The following STK10 variants were observed in gnomAD, a reference collection of about 807,000 sequenced individuals.
STK10 encodes serine/threonine kinase 10.
In STK10, 78 loss-of-function variants were observed where a neutral mutation model predicts 113.8. That is an observed-to-expected ratio of 0.69 (90% CI 0.57 to 0.83). The LOEUF is 0.83. STK10 is among the 40% of genes least tolerant of loss of function. The pLI, the probability that STK10 is intolerant of heterozygous loss-of-function variation, is 0.00. For synonymous variants in STK10, 465 were observed against 494.7 expected (o/e 0.94, Z 0.80); for missense variants, 1,109 against 1,280.1 (o/e 0.87, Z 2.04).
At chr5:172,163,101 G>A (rs1770502116) in intron 1 of STK10, among the ~76,000 whole-genome samples, 1 of 152,206 alleles carries the variant, frequency 6.6e-6, no homozygotes. Context: ...ATCACCTTGA[G>A]GCCACAGGAG....
intron 3 of STK10, among the ~76,000 whole-genome samples, chr5:172,125,389 ATT>A (rs112899539): frequency 1.0e-4 from 15 of 143,562 alleles, no homozygotes; most frequent in African/African-American, 1.5e-4. Flanking sequence ...ACTTTTTTTC[ATT>A]TTTTTTTTTT....
At chr5:172,139,077 G>A (rs548233985) in intron 2 of STK10, among the ~76,000 whole-genome samples, 27 of 152,262 alleles carry the variant, frequency 1.8e-4, no homozygotes, top group Admixed American at 5.2e-4. Flanking sequence ...CCAGCTTTAT[G>A]GACCGGAAGA....
intron 3 of STK10, among the ~76,000 whole-genome samples, chr5:172,121,565 G>A (rs113015252): frequency 6.6e-6 from 1 of 151,726 alleles, no homozygotes; most frequent in South Asian, 2.1e-4. Context: ...CCAGCACTTC[G>A]GGAGGTGGAG....
At chr5:172,181,388 T>G (rs1003265024) in intron 1 of STK10, among the ~76,000 whole-genome samples, 21 of 152,220 alleles carry the variant, frequency 1.4e-4, no homozygotes, top group African/African-American at 5.1e-4. Flanking sequence ...TGATTTTGCA[T>G]AGCTCTGTGA....
intron 12 of STK10, among the ~76,000 whole-genome samples, chr5:172,065,218 C>A (rs1768043510): frequency 6.6e-6 from 1 of 151,980 alleles, no homozygotes; most frequent in East Asian, 1.9e-4. Flanking sequence ...ACAATATCGT[C>A]AATCTGACAA....
At chr5:172,169,333 T>G (rs1770624469) in intron 1 of STK10, among the ~76,000 whole-genome samples, 2 of 151,662 alleles carry the variant, frequency 1.3e-5, no homozygotes, top group Admixed American at 6.6e-5. Flanking sequence ...GAAGAGCCAG[T>G]GGGTAGATGG....
intron 1 of STK10, among the ~76,000 whole-genome samples, chr5:172,177,969 C>T (rs1255780933): frequency 6.6e-6 from 1 of 152,170 alleles, no homozygotes; most frequent in Non-Finnish European, 1.5e-5. Context: ...GCTGGGACTA[C>T]AGGCATGAGC....
In STK10 at chr5:172,054,733, G is replaced by A. The variant is rs767341695; in HGVS notation, c.2527-39C>T. ...AGGGTGGGTGCCTCAGGGGACCAGG[G>A]CCTGGCTGGTTGGGTAGGGAGCCCC... On this transcript the variant is annotated intron_variant, in intron 16 of 18. Transcript: ENST00000176763. The A allele has an allele frequency of 1.2e-5, 20 of 1,603,290 alleles. 1 individual carries two copies. In the Middle Eastern group the frequency reaches 8.3e-4, roughly 66 times the overall value.
intron 2 of STK10, among the ~76,000 whole-genome samples, chr5:172,151,923 C>T (rs1237117175): frequency 2.6e-5 from 4 of 152,256 alleles, no homozygotes; most frequent in Admixed American, 2.6e-4. Context: ...CAGACTCCTG[C>T]CTCAGGGCCT....
chr5:172,145,812 A>C (rs1325661040), intron 2 of STK10, among the ~76,000 whole-genome samples: 4 of 152,206 alleles, frequency 2.6e-5, no homozygotes, highest in Non-Finnish European at 5.9e-5. Context: ...GAAAGCCTGT[A>C]GCTCAGAACC....
chr5:172,147,678 C>T (rs1211513446), intron 2 of STK10, among the ~76,000 whole-genome samples: 3 of 152,166 alleles, frequency 2.0e-5, no homozygotes, highest in Non-Finnish European at 2.9e-5. Flanking sequence ...AGGCGTGAGC[C>T]ACTGTGCCCA....
At chr5:172,102,627 G>A (rs555980242) in intron 7 of STK10, among the ~76,000 whole-genome samples, 226 of 152,278 alleles carry the variant, frequency 1.5e-3, no homozygotes, top group Non-Finnish European at 2.4e-3. Flanking sequence ...GTCGAGTGCC[G>A]ACAGGAGGAG....
chr5:172,120,574 A>C lies in STK10; in HGVS notation c.371-2944T>G, dbSNP rs1466135827. Among the ~76,000 whole-genome samples the C allele has an allele frequency of 3.3e-5, 5 of 152,144 alleles. No individual in the cohort carries two copies. Among genetic ancestry groups the C allele is most frequent in the Admixed American group, 2.0e-4 (3 of 15,264 alleles). ...AGGCCGTACCCAGGTGCTGCCTCTC[A>C]CTAGCTGTGTGGTTACTGGCAAGTC... is the stretch of plus-strand genomic sequence containing the variant. On this transcript the variant is annotated intron_variant, in intron 3 of 18. Coordinates refer to ENST00000176763, the MANE Select transcript of STK10 (RefSeq NM_005990.4). This position sits in a 1 kb window ranked among gnomAD's most constrained non-coding sequence, Gnocchi z 4.0.
At chr5:172,182,308 GAAA>G (rs567194724) in intron 1 of STK10, among the ~76,000 whole-genome samples, 10 of 92,152 alleles carry the variant, frequency 1.1e-4, no homozygotes, top group African/African-American at 2.7e-4. Flanking sequence ...GTCTCAGAGG[GAAA>G]AAAAAAAAAA....
At chr5:172,129,185 C>A (rs115771335) in intron 2 of STK10, among the ~76,000 whole-genome samples, 1 of 152,122 alleles carries the variant, frequency 6.6e-6, no homozygotes, top group Non-Finnish European at 1.5e-5. Context: ...CTGGGATGCA[C>A]GAAACCACAG....
chr5:172,127,582 C>G (rs187751705), intron 2 of STK10, among the ~76,000 whole-genome samples, 161 bp from the exon 3 acceptor site: 13 of 152,344 alleles, frequency 8.5e-5, no homozygotes, highest in African/African-American at 1.2e-4. Flanking sequence ...TCCCCCTCCC[C>G]CAGTGGGCCT....
At chr5:172,166,803 C>T (rs1770579331) in intron 1 of STK10, among the ~76,000 whole-genome samples, 2 of 152,092 alleles carry the variant, frequency 1.3e-5, no homozygotes, top group African/African-American at 4.8e-5. Context: ...TTTTAAAAGC[C>T]ATGAAAATAC....
chr5:172,158,494 G>A (rs987569477), intron 1 of STK10, among the ~76,000 whole-genome samples: 1 of 152,108 alleles, frequency 6.6e-6, no homozygotes, highest in African/African-American at 2.4e-5. Flanking sequence ...GGGCGTGGTG[G>A]TGGGCGCCTG....
rs180880088 is a variant in STK10, at chr5:172,088,130, G to A, written c.1685+2102C>T. Among the ~76,000 whole-genome samples, 43 of 152,070 alleles carry A rather than the reference G, an allele frequency of 2.8e-4. 1 individual carries two copies. The highest frequency in any genetic ancestry group is 5.6e-4 in the Non-Finnish European group (38 of 67,986). Reference sequence around the variant, plus strand: ...GACACTAGGTTGCCCAGATGGTCTCGAACTCCTGGGCTCAAGTGATCCTCT... The same window carrying A: ...GACACTAGGTTGCCCAGATGGTCTCAAACTCCTGGGCTCAAGTGATCCTCT... On this transcript the variant is annotated intron_variant, in intron 10 of 18. Transcript: ENST00000176763.
Sources: gnomAD v4.1 joint callset for allele counts (sites outside exome capture counted in the v4.1 genomes callset) on GRCh38, gnomAD v4.1.1 for gene constraint, Gnocchi (gnomAD v3.1) non-coding constraint, MANE v1.5 for transcripts, NCBI Gene and HGNC (gene_info 2026-07-23, HGNC 2026-07-21) for gene names.